ZNF28: variants seen among roughly 807,000 people sequenced by gnomAD.
ZNF28 encodes the protein zinc finger protein 28.
Under a neutral mutation model 7.2 loss-of-function variants are expected in ZNF28, and 5 were observed. The observed-to-expected ratio is 0.70, with a 90% confidence interval of 0.36 to 1.46. The LOEUF (loss-of-function observed/expected upper bound fraction) is 1.46, where lower values mean the gene tolerates loss of function less well. ZNF28 is among the 40% of genes most tolerant of loss of function. ZNF28 has a pLI of 0.03. For synonymous variants in ZNF28, 288 were observed against 292.4 expected, an observed-to-expected ratio of 0.99 and a Z score of 0.15; for missense variants, 879 against 866.6, an observed-to-expected ratio of 1.01 and a Z score of -0.18.
At chr19:52,810,337 G>A in intron 2 of ZNF28, 1 of 1,603,948 alleles carries the variant, frequency 6.2e-7, no homozygotes, top group Non-Finnish European at 8.5e-7. Flanking sequence ...GTGGACTGCG[G>A]TGCAACAGCA....
Position 52,799,343 on chromosome 19 carries a change from C to A in ZNF28, c.*345G>T. On this transcript the variant is annotated 3_prime_UTR_variant, in exon 4 of 4. Transcript: ENST00000457749. ...TATATTCAAAAATCTTGTCATAAAC[C>A]TTACATCTGTGTGGTTTCTCTTCAG... 1 of 500,050 alleles carries A rather than the reference C, an allele frequency of 2.0e-6. No individual in the cohort carries two copies. Among genetic ancestry groups the A allele is most frequent in the Admixed American group, 3.5e-5 (1 of 28,714 alleles). The allele number at this position is 500,050 out of a possible 1,614,324, so 31.0% of individuals were successfully genotyped here. A position where few individuals can be genotyped will look rare whatever the true frequency, so the allele number is the denominator to read the frequency against.
At chr19:52,818,098 A>T in intron 1 of ZNF28, 67 bp from the exon 2 acceptor site, 1 of 1,432,394 alleles carries the variant, frequency 7.0e-7, no homozygotes, top group Non-Finnish European at 9.5e-7. Context: ...ACACAACAAC[A>T]CATACAAAGG....
rs752091718 is a variant in ZNF28, at chr19:52,815,458, A to G, written c.15+2486T>C. Among the ~76,000 whole-genome samples the G allele has an allele frequency of 1.4e-5, 2 of 145,834 alleles. 1 individual carries two copies. Among genetic ancestry groups the G allele is most frequent in the Non-Finnish European group, 3.0e-5 (2 of 67,566 alleles). On this transcript the variant is annotated intron_variant, in intron 2 of 3. Coordinates refer to ENST00000457749, the MANE Select transcript of ZNF28 (RefSeq NM_006969.5). ...CTTGAACCCGGGAGGTAGAGGTTGC[A>G]GTGAGCCGAGATCATGCCATAATAC...
intron 2 of ZNF28, chr19:52,810,755 G>C: frequency 2.1e-6 from 1 of 470,978 alleles, no homozygotes; most frequent in Non-Finnish European, 3.7e-6. Context: ...GAAAGAAGGG[G>C]AAAAAAAAAG....
Position 52,800,811 on chromosome 19 carries a change from T to A in ZNF28, c.1034A>T (p.His345Leu). Reference sequence around the variant, plus strand: ...TTTCTCTCCAGTGTGAATTATAGTATGTTTTGCTAGGTATGAATTACATGT... The same window carrying A: ...TTTCTCTCCAGTGTGAATTATAGTAAGTTTTGCTAGGTATGAATTACATGT... Reference protein sequence around the residue: ...AFTCNSYLAKHTIIHTGEKPY... With the variant: ...AFTCNSYLAKLTIIHTGEKPY... The change falls in exon 4 of 4, where the codon CAT (histidine) becomes CTT (leucine). Residue 345 changes from histidine to leucine, a missense_variant. Around this residue, in one of 2 missense-constraint regions of ZNF28, gnomAD observed 864 missense variants for 830.2 expected, o/e 1.04. Coordinates refer to ENST00000457749, the MANE Select transcript of ZNF28 (RefSeq NM_006969.5). 6.2e-7 allele frequency: 1 copy of A among 1,614,140 alleles called. No homozygotes were observed. Among genetic ancestry groups the A allele is most frequent in the Non-Finnish European group, 8.5e-7 (1 of 1,180,004 alleles).
chr19:52,812,471 A>G (rs2063063900), intron 2 of ZNF28, among the ~76,000 whole-genome samples: 1 of 122,746 alleles, frequency 8.1e-6, no homozygotes, highest in Non-Finnish European at 1.7e-5. Flanking sequence ...CTTATCCCCA[A>G]CCCTGTGCTC....
chr19:52,818,210 A>G (rs1337351185), intron 1 of ZNF28, among the ~76,000 whole-genome samples, 179 bp from the exon 2 acceptor site: 1 of 152,140 alleles, frequency 6.6e-6, no homozygotes, highest in African/African-American at 2.4e-5. Flanking sequence ...AGAAGCCCAC[A>G]CACACGCTGC....
intron 3 of ZNF28, among the ~76,000 whole-genome samples, chr19:52,802,169 T>G (rs1314272072): frequency 6.6e-6 from 1 of 152,240 alleles, no homozygotes; most frequent in East Asian, 1.9e-4. Context: ...ATGGAAATTC[T>G]GTATTGTCAA....
At chr19:52,821,092 G>C (rs1385972978) in intron 1 of ZNF28, among the ~76,000 whole-genome samples, 1 of 152,110 alleles carries the variant, frequency 6.6e-6, no homozygotes, top group Non-Finnish European at 1.5e-5. Flanking sequence ...GCGGAGGGGA[G>C]ATCTGGGGAG....
chr19:52,818,015 T>C lies in ZNF28; in HGVS notation c.-57A>G. 1 of 1,608,142 alleles carries C rather than the reference T, an allele frequency of 6.2e-7. No homozygotes were observed. The highest frequency in any genetic ancestry group is 8.5e-7 in the Non-Finnish European group (1 of 1,178,182). ...TGGGTTTCTTCCTCACGTACCAAGA[T>C]TCTTTAGAAGTCAATCCTGAATGTT... On this transcript the variant is annotated 5_prime_UTR_variant, in exon 2 of 4. Transcript: ENST00000457749.
intron 2 of ZNF28, chr19:52,810,038 C>G: frequency 1.4e-6 from 1 of 738,636 alleles, no homozygotes; most frequent in Non-Finnish European, 2.5e-6. Context: ...AGGAGCCGCT[C>G]CAGCCCCGCG....
At chr19:52,810,591 C>G in intron 2 of ZNF28, 1 of 1,571,090 alleles carries the variant, frequency 6.4e-7, no homozygotes, top group Non-Finnish European at 8.7e-7. Context: ...CGCTACCGCG[C>G]CCGACCACCA....
At position 52,801,553 on chromosome 19, in the gene ZNF28, G is replaced by C. The variant is rs766915729; in HGVS notation, c.292C>G (p.Gln98Glu). The change falls in exon 4 of 4, where the codon CAG becomes GAG. Residue 98 changes from glutamine to glutamate, a missense_variant. Around this residue, in one of 2 missense-constraint regions of ZNF28, gnomAD observed 864 missense variants for 830.2 expected, o/e 1.04. Coordinates refer to ENST00000457749, the MANE Select transcript of ZNF28 (RefSeq NM_006969.5). ...GTTTCATCTTCTTTCCACTGAAACT[G>C]GAAGCCATGAATGTCTTTCTCAATT... is the stretch of plus-strand genomic sequence containing the variant. ...QKIEKDIHGF[Q>E]FQWKEDETND... 5 of 1,614,152 alleles carry C rather than the reference G, an allele frequency of 3.1e-6. No homozygotes were observed. Among genetic ancestry groups the C allele is most frequent in the Non-Finnish European group, 1.7e-6 (2 of 1,180,018 alleles).
Position 52,801,613 on chromosome 19 carries a change from C to T in ZNF28, c.232G>A (p.Ala78Thr), listed in dbSNP as rs1313633816. 6.2e-7 allele frequency: 1 copy of T among 1,614,110 alleles called. No homozygotes were observed. Among genetic ancestry groups the T allele is most frequent in the Admixed American group, 1.7e-5 (1 of 60,018 alleles). The change falls in exon 4 of 4, where the codon GCA becomes ACA. Residue 78 changes from alanine to threonine, a missense_variant. Transcript: ENST00000457749. The stretch of plus-strand genomic sequence containing the variant: ...CAAAAATCTCCAATGTGATGACTTG[C>T]TTGTCTTTGCAATGTCCCTGTGTGG... ...AFHTGTLQRQ[A>T]SHHIGDFCFQ...
At chr19:52,810,124 G>C (rs1172937319) in intron 2 of ZNF28, 2 of 839,538 alleles carry the variant, frequency 2.4e-6, no homozygotes, top group East Asian at 4.9e-5. Context: ...GAGGAGCCGG[G>C]ACTGGTCGAG....
At chr19:52,801,764 G>T (rs997774521) in intron 3 of ZNF28, 62 bp from the exon 4 acceptor site, 2 of 1,420,066 alleles carry the variant, frequency 1.4e-6, no homozygotes, top group East Asian at 2.3e-5. Flanking sequence ...ATACTGAAAT[G>T]TGTAAATATG....
chr19:52,814,265 G>A (rs2063094123), intron 2 of ZNF28: 1 of 145,920 alleles, frequency 6.9e-6, no homozygotes. Context: ...TACACATCGT[G>A]TGATGTTTAA....
At chr19:52,817,013 C>T (rs147555105) in intron 2 of ZNF28, among the ~76,000 whole-genome samples, 3,037 of 151,024 alleles carry the variant, frequency 0.02, 39 homozygotes, top group Non-Finnish European at 0.027. Flanking sequence ...TCCGTGAGCT[C>T]GATGTGTTAA....
chr19:52,818,966 T>G (rs1371384352), intron 1 of ZNF28, among the ~76,000 whole-genome samples: 1 of 132,780 alleles, frequency 7.5e-6, no homozygotes, highest in Non-Finnish European at 1.6e-5. Flanking sequence ...TAGACACTGA[T>G]GGGCAGAGGG....
Sources: allele counts gnomAD v4.1 joint callset (sites outside exome capture counted in the v4.1 genomes callset), GRCh38; gene constraint gnomAD v4.1.1; regional missense constraint gnomAD v4.1.1; transcripts MANE v1.5; gene names NCBI Gene and HGNC (gene_info 2026-07-23, HGNC 2026-07-21).